EYS: variants seen among roughly 807,000 people sequenced by gnomAD.
EYS encodes EGF-like photoreceptor maintenance factor, also known as protein eyes shut homolog.
In EYS, 250 loss-of-function variants were observed where a neutral mutation model predicts 282.1. That is an observed-to-expected ratio of 0.89 (90% CI 0.80 to 0.98). The LOEUF (loss-of-function observed/expected upper bound fraction) is 0.98. EYS is among the 50% of genes least tolerant of loss of function. EYS has a pLI of 0.00. For synonymous variants in EYS, 1,355 were observed against 1,282.9 expected (o/e 1.06, Z -1.20); for missense variants, 4,016 against 3,709.0 (o/e 1.08, Z -2.15).
chr6:64,066,323 G>A lies in EYS; in HGVS notation c.6725+15C>T. 6.5e-7 allele frequency: 1 copy of A among 1,530,604 alleles called. No individual in the cohort carries two copies. The highest frequency in any genetic ancestry group is 8.8e-7 in the Non-Finnish European group (1 of 1,138,350). 94.8% of individuals were successfully genotyped at this position (1,530,604 alleles called of 1,614,324 possible). On this transcript the variant is annotated intron_variant, in intron 33 of 42. Transcript: ENST00000503581. ...ATTTCAGCACGAAAGAACTACCGTG[G>A]AGTACAGTACTTACCGTATTGTGAT...
At chr6:64,801,079 A>G (rs1288902974) in intron 22 of EYS, among the ~76,000 whole-genome samples, 1 of 152,040 alleles carries the variant, frequency 6.6e-6, no homozygotes, top group Non-Finnish European at 1.5e-5. Context: ...TTATAACTTT[A>G]TAGTTCTGGG....
At chr6:64,088,430 A>G (rs1166542151) in intron 31 of EYS, among the ~76,000 whole-genome samples, 1 of 152,044 alleles carries the variant, frequency 6.6e-6, no homozygotes, top group Non-Finnish European at 1.5e-5. Context: ...AAGATCATAT[A>G]GACTTATCAA....
intron 19 of EYS, among the ~76,000 whole-genome samples, chr6:64,837,194 T>C (rs1345723237): frequency 9.1e-6 from 1 of 109,804 alleles, no homozygotes; most frequent in Non-Finnish European, 2.1e-5. Context: ...CCATTTTTTA[T>C]CTTGTACATG....
At chr6:64,835,204 T>G (rs2150030777) in intron 19 of EYS, among the ~76,000 whole-genome samples, 1 of 151,878 alleles carries the variant, frequency 6.6e-6, no homozygotes, top group South Asian at 2.1e-4. Flanking sequence ...TTATAAAAAT[T>G]AATATTCAGC....
At chr6:63,738,285 C>T (rs1324877423) in intron 41 of EYS, among the ~76,000 whole-genome samples, 2 of 152,036 alleles carry the variant, frequency 1.3e-5, no homozygotes, top group African/African-American at 4.8e-5. Flanking sequence ...GACACATGCA[C>T]ACGTATGTTT....
intron 22 of EYS, among the ~76,000 whole-genome samples, chr6:64,630,136 G>A (rs1767732465): frequency 6.6e-6 from 1 of 151,766 alleles, no homozygotes; most frequent in Non-Finnish European, 1.5e-5. Context: ...TCTCTCTGTT[G>A]CCAGGCTGGA....
intron 2 of EYS, among the ~76,000 whole-genome samples, chr6:65,541,385 AT>A (rs1348574368): frequency 7.6e-6 from 1 of 131,444 alleles, no homozygotes; most frequent in Non-Finnish European, 1.6e-5. Context: ...ATGAATCAAT[AT>A]TTGGCCATTA....
chr6:65,685,355 A>G (rs1451154998), intron 1 of EYS, among the ~76,000 whole-genome samples: 1 of 152,020 alleles, frequency 6.6e-6, no homozygotes, highest in Non-Finnish European at 1.5e-5. Flanking sequence ...CTGTGCTGGG[A>G]AGAAAGAAGC....
intron 22 of EYS, among the ~76,000 whole-genome samples, chr6:64,771,754 T>A (rs2149986491): frequency 6.6e-6 from 1 of 151,902 alleles, no homozygotes; most frequent in African/African-American, 2.4e-5. Context: ...AATTTATTGA[T>A]TATCTTGTGC....
chr6:64,093,235 G>A (rs923266584), intron 31 of EYS, among the ~76,000 whole-genome samples: 4 of 151,962 alleles, frequency 2.6e-5, no homozygotes, highest in African/African-American at 9.7e-5. Flanking sequence ...TTGACAATGT[G>A]GGCTCTTTTT....
At chr6:64,372,136 T>TTTTTTTTG (rs1471676781) in intron 29 of EYS, among the ~76,000 whole-genome samples, 2 of 22,290 alleles carry the variant, frequency 9.0e-5, no homozygotes, top group African/African-American at 2.1e-4. Context: ...TTGTGTTTTT[T>TTTTTTTTG]TTTTTTTTTT....
chr6:63,800,781 G>T (rs1770765372), intron 37 of EYS, among the ~76,000 whole-genome samples: 1 of 152,170 alleles, frequency 6.6e-6, no homozygotes, highest in Non-Finnish European at 1.5e-5. Context: ...CTCCAGCCTG[G>T]GTGACAGAGC....
intron 33 of EYS, among the ~76,000 whole-genome samples, chr6:64,046,683 G>GT (rs2149841218): frequency 1.3e-5 from 2 of 152,152 alleles, no homozygotes; most frequent in African/African-American, 4.8e-5. Context: ...CAACTGAATT[G>GT]TAAGTGCTGC....
At chr6:64,116,397 T>C (rs1773386898) in intron 31 of EYS, among the ~76,000 whole-genome samples, 1 of 152,180 alleles carries the variant, frequency 6.6e-6, no homozygotes, top group Non-Finnish European at 1.5e-5. Flanking sequence ...GTCAATATTT[T>C]ATCCTATAGT....
chr6:65,280,863 AAAATAT>A (rs922232226), intron 12 of EYS, among the ~76,000 whole-genome samples: 1 of 134,860 alleles, frequency 7.4e-6, no homozygotes, highest in African/African-American at 2.6e-5. Context: ...ACTAAAAAAA[AAAATAT>A]ATATATATAT....
intron 29 of EYS, among the ~76,000 whole-genome samples, chr6:64,330,518 C>T (rs1582608279): frequency 1.3e-5 from 2 of 152,140 alleles, no homozygotes; most frequent in Non-Finnish European, 2.9e-5. Context: ...CCAGACATGA[C>T]AAGGCCTTTT....
chr6:63,962,596 A>G (rs1766120766), intron 35 of EYS, among the ~76,000 whole-genome samples: 1 of 152,214 alleles, frequency 6.6e-6, no homozygotes, highest in Admixed American at 6.5e-5. Context: ...TGATCATTAA[A>G]AAGTCAGGAA....
intron 22 of EYS, among the ~76,000 whole-genome samples, chr6:64,756,918 C>T (rs1337666537): frequency 1.3e-5 from 2 of 150,724 alleles, no homozygotes; most frequent in Non-Finnish European, 2.9e-5. Flanking sequence ...GTGATACTCC[C>T]TGATGAAGTT....
intron 26 of EYS, among the ~76,000 whole-genome samples, chr6:64,554,478 A>C (rs190911881): frequency 6.6e-6 from 1 of 152,192 alleles, no homozygotes; most frequent in East Asian, 1.9e-4. Flanking sequence ...ATTATTAATA[A>C]GTAGATAATT....
Sources: gnomAD v4.1 joint callset for allele counts (sites outside exome capture counted in the v4.1 genomes callset) on GRCh38, gnomAD v4.1.1 for gene constraint, MANE v1.5 for transcripts, NCBI Gene and HGNC (gene_info 2026-07-23, HGNC 2026-07-21) for gene names.